The following NR3C2 variants were observed in gnomAD, a reference collection of about 807,000 sequenced individuals.
NR3C2 encodes the protein mineralocorticoid receptor.
A neutral mutation model predicts 86.4 loss-of-function variants in NR3C2; 15 were observed. The observed-to-expected ratio is 0.17, with a 90% CI of 0.12 to 0.27. The LOEUF (loss-of-function observed/expected upper bound fraction) is 0.27. Ranked by LOEUF, NR3C2 falls within the 10% of genes least tolerant of loss-of-function variation. The probability of loss-of-function intolerance (pLI) is 1.00; values close to 1 mark genes in which losing one functional copy is unlikely to be tolerated. For synonymous variants in NR3C2, 458 were observed against 450.5 expected (o/e 1.02, Z -0.21); for missense variants, 960 against 1,195.6 (o/e 0.80, Z 2.91).
At chr4:148,223,291 G>A (rs1737961735) in intron 3 of NR3C2, among the ~76,000 whole-genome samples, 1 of 152,102 alleles carries the variant, frequency 6.6e-6, no homozygotes, top group African/African-American at 2.4e-5. Flanking sequence ...TTACAGCCAA[G>A]ACTCAGCTTA....
chr4:148,161,767 A>G (rs1734673005), intron 4 of NR3C2, among the ~76,000 whole-genome samples: 2 of 152,180 alleles, frequency 1.3e-5, no homozygotes, highest in African/African-American at 4.8e-5. Flanking sequence ...TTTGTGAGCA[A>G]TGTAATGCTG....
chr4:148,297,457 T>C (rs542056054), intron 2 of NR3C2, among the ~76,000 whole-genome samples: 4 of 152,290 alleles, frequency 2.6e-5, no homozygotes, highest in African/African-American at 9.6e-5. Context: ...AAACTACACC[T>C]ATATATTTAA....
In NR3C2 at chr4:148,183,803, G is replaced by A. The variant is rs543495287; in HGVS notation, c.2014+10943C>T. ...TGTGCCCTGTACTGTTGCAGTCACC[G>A]AGGATAAGGCAACAAATAAAAAACA... On this transcript the variant is annotated intron_variant, in intron 4 of 8. Coordinates refer to ENST00000358102, the MANE Select transcript of NR3C2 (RefSeq NM_000901.5). Among the ~76,000 whole-genome samples the A allele has an allele frequency of 5.3e-5, 8 of 152,274 alleles. No homozygotes were observed. In the South Asian group the frequency reaches 6.2e-4, roughly 12 times the overall value.
chr4:148,282,937 T>C (rs1741322126), intron 2 of NR3C2, among the ~76,000 whole-genome samples: 1 of 151,830 alleles, frequency 6.6e-6, no homozygotes, highest in Non-Finnish European at 1.5e-5. Context: ...GCTAAAGGAC[T>C]GGTAGGGAAT....
At chr4:148,140,024 C>T (rs912630930) in intron 6 of NR3C2, among the ~76,000 whole-genome samples, 5 of 152,198 alleles carry the variant, frequency 3.3e-5, no homozygotes, top group African/African-American at 9.7e-5. Flanking sequence ...GTGTGTTTCC[C>T]TTCTTCAATC....
At chr4:148,160,027 T>C (rs1489967523) in intron 4 of NR3C2, among the ~76,000 whole-genome samples, 1 of 152,210 alleles carries the variant, frequency 6.6e-6, no homozygotes, top group Non-Finnish European at 1.5e-5. Flanking sequence ...TTAATGTGAC[T>C]GTAAATGTCT....
intron 6 of NR3C2, among the ~76,000 whole-genome samples, chr4:148,129,850 C>T (rs752494620): frequency 9.9e-5 from 15 of 152,128 alleles, no homozygotes; most frequent in African/African-American, 1.7e-4. Context: ...CCCCCCGCTT[C>T]GCCTCCCAAA....
Position 148,442,333 on chromosome 4 carries a change from T to A in NR3C2, c.-176A>T, listed in dbSNP as rs995695444. Reference sequence around the variant, plus strand: ...ACGCTCTTGCACCCAGGTGACTGACTGCACGGGCTTCCTCTGAGCAGCCTG... The same window carrying A: ...ACGCTCTTGCACCCAGGTGACTGACAGCACGGGCTTCCTCTGAGCAGCCTG... On this transcript the variant is annotated 5_prime_UTR_variant, in exon 1 of 9. Coordinates refer to ENST00000358102, the MANE Select transcript of NR3C2 (RefSeq NM_000901.5). The A allele has an allele frequency of 3.3e-5, 5 of 152,412 alleles. No homozygotes were observed. The highest frequency in any genetic ancestry group is 3.3e-4 in the Admixed American group (5 of 15,290). 9.4% of individuals were successfully genotyped at this position (152,412 alleles called of 1,614,324 possible).
At chr4:148,175,381 G>A (rs934472969) in intron 4 of NR3C2, among the ~76,000 whole-genome samples, 4 of 152,184 alleles carry the variant, frequency 2.6e-5, no homozygotes, top group Non-Finnish European at 5.9e-5. Context: ...AGGAGGGCAA[G>A]GGTGAGTCTG....
At chr4:148,141,756 T>A (rs867817471) in intron 6 of NR3C2, among the ~76,000 whole-genome samples, 7 of 152,062 alleles carry the variant, frequency 4.6e-5, no homozygotes, top group African/African-American at 1.7e-4. Context: ...TAAATTCTCA[T>A]AGGACTGCGA....
chr4:148,234,764 T>C (rs1209548646), intron 3 of NR3C2, among the ~76,000 whole-genome samples: 1 of 151,524 alleles, frequency 6.6e-6, no homozygotes, highest in African/African-American at 2.4e-5. Context: ...CTAGGGAGAA[T>C]GAATGGATTG....
intron 2 of NR3C2, among the ~76,000 whole-genome samples, chr4:148,313,558 G>A (rs932661972): frequency 1.2e-4 from 19 of 152,072 alleles, no homozygotes; most frequent in Non-Finnish European, 2.4e-4. Flanking sequence ...ATTATCGGTC[G>A]TGCTTTAAAA....
intron 2 of NR3C2, among the ~76,000 whole-genome samples, chr4:148,409,418 C>T (rs2126561721): frequency 6.6e-6 from 1 of 152,232 alleles, no homozygotes; most frequent in East Asian, 1.9e-4. Flanking sequence ...CCATGACTTG[C>T]CACCTTCAAG....
chr4:148,118,811 T>C (rs1034121037), intron 7 of NR3C2, among the ~76,000 whole-genome samples: 1 of 152,166 alleles, frequency 6.6e-6, no homozygotes, highest in African/African-American at 2.4e-5. Context: ...AGCACTTTCA[T>C]TTCCCTTCCT....
chr4:148,323,603 C>G (rs559011068), intron 2 of NR3C2, among the ~76,000 whole-genome samples: 50 of 152,164 alleles, frequency 3.3e-4, no homozygotes, highest in Middle Eastern at 3.4e-3. Flanking sequence ...TTCAGCCCGT[C>G]GGAAAAGCGC....
chr4:148,348,116 C>T (rs1211260598), intron 2 of NR3C2, among the ~76,000 whole-genome samples: 1 of 152,104 alleles, frequency 6.6e-6, no homozygotes, highest in Non-Finnish European at 1.5e-5. Context: ...GTGTCTCTCT[C>T]TCCTTCCCTC....
At chr4:148,444,932 TG>T, upstream of NR3C2, 6 of 984,384 alleles carry the variant, frequency 6.1e-6, no homozygotes, top group Non-Finnish European at 7.2e-6. Context: ...CCCCGGGCCC[TG>T]GGTGGCCGGT....
chr4:148,296,117 A>G (rs1216916533), intron 2 of NR3C2, among the ~76,000 whole-genome samples: 1 of 151,344 alleles, frequency 6.6e-6, no homozygotes, highest in Non-Finnish European at 1.5e-5. Flanking sequence ...TGAACTTAGG[A>G]AGGCCATAAA....
chr4:148,444,761 G>A, upstream of NR3C2: 1 of 984,926 alleles, frequency 1.0e-6, no homozygotes, highest in Non-Finnish European at 1.2e-6. Context: ...GGGGGACGCG[G>A]GCACCCGCCC....
Sources: allele counts gnomAD v4.1 joint callset (sites outside exome capture counted in the v4.1 genomes callset), GRCh38; gene constraint gnomAD v4.1.1; transcripts MANE v1.5; gene names NCBI Gene and HGNC (gene_info 2026-07-23, HGNC 2026-07-21).